The following LRRC4C variants were observed in gnomAD, a reference collection of about 807,000 sequenced individuals.
The protein encoded by LRRC4C is leucine rich repeat containing 4C.
LRRC4C carries 5 observed loss-of-function variants against 33.6 expected under a neutral mutation model. That is an observed-to-expected ratio of 0.15 (90% CI 0.08 to 0.31). The LOEUF is 0.31. LRRC4C is among the 10% of genes least tolerant of loss of function. The pLI is 1.00. For synonymous variants in LRRC4C, 329 were observed against 302.0 expected, an observed-to-expected ratio of 1.09 and a Z score of -0.93; for missense variants, 560 against 796.7, an observed-to-expected ratio of 0.70 and a Z score of 3.58.
At chr11:40,890,720 G>T in intron 2 of LRRC4C, among the ~76,000 whole-genome samples, 1 of 151,916 alleles carries the variant, frequency 6.6e-6, no homozygotes, top group East Asian at 1.9e-4. Flanking sequence ...TCGTTAAGTA[G>T]CACAGATTGC....
intron 3 of LRRC4C, among the ~76,000 whole-genome samples, chr11:40,632,608 T>C (rs2136028079): frequency 1.3e-5 from 2 of 152,324 alleles, no homozygotes; most frequent in South Asian, 4.1e-4. Flanking sequence ...TTAAATACTG[T>C]ACAGAGAAAT....
intron 3 of LRRC4C, among the ~76,000 whole-genome samples, chr11:40,591,164 C>A (rs552484944): frequency 6.6e-6 from 1 of 152,088 alleles, no homozygotes; most frequent in Non-Finnish European, 1.5e-5. Context: ...AGCCAGGTAC[C>A]GGATATAATC....
At chr11:40,266,077 C>G (rs1304584259) in intron 4 of LRRC4C, among the ~76,000 whole-genome samples, 1 of 152,098 alleles carries the variant, frequency 6.6e-6, no homozygotes, top group Admixed American at 6.6e-5. Flanking sequence ...GCAGGCAGAT[C>G]TCTTGAGCTC....
intron 1 of LRRC4C, among the ~76,000 whole-genome samples, chr11:41,030,352 G>A (rs1856646300): frequency 1.3e-5 from 2 of 151,772 alleles, no homozygotes; most frequent in African/African-American, 4.8e-5. Flanking sequence ...TGTGCAAGAA[G>A]CCTCAGAAGA....
intron 5 of LRRC4C, among the ~76,000 whole-genome samples, chr11:40,150,482 T>C (rs1465340397): frequency 6.6e-6 from 1 of 152,262 alleles, no homozygotes; most frequent in Non-Finnish European, 1.5e-5. Flanking sequence ...AGAGACATGG[T>C]CTTGCTCTGT....
chr11:41,388,752 A>T (rs539643251), intron 1 of LRRC4C, among the ~76,000 whole-genome samples: 1 of 152,034 alleles, frequency 6.6e-6, no homozygotes, highest in South Asian at 2.1e-4. Flanking sequence ...CAAAGATTCT[A>T]AACTATACCA....
intron 5 of LRRC4C, among the ~76,000 whole-genome samples, chr11:40,174,299 T>C (rs919763934): frequency 1.3e-5 from 2 of 152,232 alleles, no homozygotes; most frequent in African/African-American, 4.8e-5. Flanking sequence ...AACCTATTTT[T>C]ACTTCTGCTG....
At chr11:40,945,052 G>A (rs1423961367) in intron 1 of LRRC4C, among the ~76,000 whole-genome samples, 3 of 138,682 alleles carry the variant, frequency 2.2e-5, no homozygotes, top group Non-Finnish European at 4.6e-5. Flanking sequence ...TTTTGAGACG[G>A]AGTCTTGCTT....
chr11:40,715,720 G>A (rs921989091), intron 2 of LRRC4C, among the ~76,000 whole-genome samples: 5 of 152,092 alleles, frequency 3.3e-5, no homozygotes, highest in Admixed American at 2.0e-4. Flanking sequence ...AACTTCTATC[G>A]AATTAAAAAG....
At chr11:40,691,770 C>T (rs576246504) in intron 2 of LRRC4C, among the ~76,000 whole-genome samples, 1 of 152,140 alleles carries the variant, frequency 6.6e-6, no homozygotes, top group East Asian at 1.9e-4. Flanking sequence ...TAGCAAAATA[C>T]TTTGTTATGC....
At chr11:41,142,952 G>C (rs1943573758) in intron 1 of LRRC4C, among the ~76,000 whole-genome samples, 1 of 152,066 alleles carries the variant, frequency 6.6e-6, no homozygotes, top group Admixed American at 6.6e-5. Context: ...GCTGATTATT[G>C]GTAGAATAAC....
chr11:41,277,352 T>A (rs961392465), intron 1 of LRRC4C, among the ~76,000 whole-genome samples: 2 of 152,222 alleles, frequency 1.3e-5, no homozygotes, highest in Non-Finnish European at 2.9e-5. Flanking sequence ...ACTCAATTTT[T>A]AAATCACCCC....
chr11:40,585,100 G>C (rs2135683033), intron 3 of LRRC4C, among the ~76,000 whole-genome samples: 1 of 152,236 alleles, frequency 6.6e-6, no homozygotes, highest in East Asian at 1.9e-4. Context: ...AACAGGTATG[G>C]TTGGCCTATG....
At chr11:41,309,949 T>C (rs1417515397) in intron 1 of LRRC4C, among the ~76,000 whole-genome samples, 1 of 152,222 alleles carries the variant, frequency 6.6e-6, no homozygotes, top group African/African-American at 2.4e-5. Flanking sequence ...CCTCCTATCT[T>C]CAACTGCGCT....
chr11:40,490,638 A>G (rs1389817502), intron 3 of LRRC4C, among the ~76,000 whole-genome samples: 1 of 152,138 alleles, frequency 6.6e-6, no homozygotes, highest in East Asian at 1.9e-4. Context: ...TGCAACATCT[A>G]TGGAAAACGC....
intron 1 of LRRC4C, among the ~76,000 whole-genome samples, chr11:41,248,810 C>T (rs2136622558): frequency 6.6e-6 from 1 of 152,264 alleles, no homozygotes; most frequent in Middle Eastern, 3.4e-3. Context: ...TTCCCAAAGA[C>T]ATGCTTTATA....
chr11:41,367,474 A>G (rs769724486), intron 1 of LRRC4C, among the ~76,000 whole-genome samples: 64 of 152,328 alleles, frequency 4.2e-4, no homozygotes, highest in Admixed American at 1.3e-3. Flanking sequence ...GATACCAGCT[A>G]CACATAGTGA....
intron 4 of LRRC4C, among the ~76,000 whole-genome samples, chr11:40,310,857 G>A (rs1296949071): frequency 6.6e-6 from 1 of 152,046 alleles, no homozygotes; most frequent in Non-Finnish European, 1.5e-5. Flanking sequence ...CCAAAGACTG[G>A]GTCCTAAAGA....
At chr11:41,113,624 G>T (rs1232604059) in intron 1 of LRRC4C, among the ~76,000 whole-genome samples, 1 of 152,040 alleles carries the variant, frequency 6.6e-6, no homozygotes, top group Non-Finnish European at 1.5e-5. Context: ...GGGATACCTT[G>T]GCTGTACGCT....
Sources: gnomAD v4.1 joint callset for allele counts (sites outside exome capture counted in the v4.1 genomes callset) on GRCh38, gnomAD v4.1.1 for gene constraint, MANE v1.5 for transcripts, NCBI Gene and HGNC (gene_info 2026-07-23, HGNC 2026-07-21) for gene names.